PCSK2: variants seen among roughly 807,000 people sequenced by gnomAD.
The protein encoded by PCSK2 is proprotein convertase subtilisin/kexin type 2.
Under a neutral mutation model 69.7 loss-of-function variants are expected in PCSK2, and 14 were observed. That is an observed-to-expected ratio of 0.20 (90% CI 0.13 to 0.31). The LOEUF is 0.31. Ranked by LOEUF, PCSK2 falls within the 10% of genes least tolerant of loss-of-function variation. The pLI is 1.00. For synonymous variants in PCSK2, 307 were observed against 320.7 expected, an observed-to-expected ratio of 0.96 and a Z score of 0.46; for missense variants, 544 against 842.5, an observed-to-expected ratio of 0.65 and a Z score of 4.39.
At chr20:17,270,494 G>T (rs945399549) in intron 2 of PCSK2, among the ~76,000 whole-genome samples, 2 of 152,084 alleles carry the variant, frequency 1.3e-5, no homozygotes, top group African/African-American at 4.8e-5. Context: ...CCAATTGCTG[G>T]AGTTTATCTA....
rs116450040 is a variant in PCSK2 at position 17,445,083 on chromosome 20, G to A, written c.885+8200G>A. 2.2e-3 allele frequency among the ~76,000 whole-genome samples: 328 copies of A among 152,296 alleles called. 2 individuals carry two copies. Among genetic ancestry groups the A allele is most frequent in the African/African-American group, 7.2e-3 (299 of 41,570 alleles). On this transcript the variant is annotated intron_variant, in intron 8 of 11. Transcript: ENST00000262545. ...TAAGCAAAACCTAACCTGAGACTTC[G>A]AGTCATCACTCTCTGGATAAATAAA...
chr20:17,411,978 C>A (rs886266785), intron 6 of PCSK2, among the ~76,000 whole-genome samples: 2 of 152,302 alleles, frequency 1.3e-5, no homozygotes, highest in Middle Eastern at 6.8e-3. Flanking sequence ...AAAGGAATAG[C>A]ATCAACATCA....
chr20:17,333,669 C>T (rs530345629), intron 2 of PCSK2, among the ~76,000 whole-genome samples: 2 of 152,060 alleles, frequency 1.3e-5, no homozygotes, highest in South Asian at 4.2e-4. Context: ...AGAGAGCAGT[C>T]TCTGGGGCCA....
chr20:17,363,384 T>G (rs2030471209), intron 4 of PCSK2, among the ~76,000 whole-genome samples: 1 of 152,228 alleles, frequency 6.6e-6, no homozygotes, highest in African/African-American at 2.4e-5. Flanking sequence ...CCTCCATGGT[T>G]AGCTGCTGTC....
At chr20:17,266,447 G>C (rs533736291) in intron 2 of PCSK2, among the ~76,000 whole-genome samples, 53 of 152,336 alleles carry the variant, frequency 3.5e-4, no homozygotes, top group African/African-American at 1.3e-3. Context: ...GTGATGTATT[G>C]AGACACAATA....
At chr20:17,399,613 G>A (rs1239410536) in intron 5 of PCSK2, among the ~76,000 whole-genome samples, 1 of 152,176 alleles carries the variant, frequency 6.6e-6, no homozygotes, top group Non-Finnish European at 1.5e-5. Flanking sequence ...GCACTTAGCA[G>A]AGACTTTGTC....
chr20:17,378,644 A>T (rs113316708), intron 5 of PCSK2, among the ~76,000 whole-genome samples: 1 of 80,400 alleles, frequency 1.2e-5, no homozygotes, highest in African/African-American at 5.8e-5. Context: ...TGGATGGATG[A>T]ATGGATGGAT....
intron 5 of PCSK2, among the ~76,000 whole-genome samples, chr20:17,383,141 A>T (rs564345559): frequency 6.6e-6 from 1 of 152,310 alleles, no homozygotes; most frequent in African/African-American, 2.4e-5. Context: ...GGTATCTGTG[A>T]GATGACTGAC....
intron 2 of PCSK2, chr20:17,263,003 A>T (rs1220913188): frequency 1.0e-5 from 2 of 200,612 alleles, no homozygotes; most frequent in East Asian, 3.7e-4. Flanking sequence ...CACTGTCTAC[A>T]GGCTTGTGGT....
chr20:17,452,273 C>T (rs1230619109), intron 8 of PCSK2, among the ~76,000 whole-genome samples: 3 of 152,104 alleles, frequency 2.0e-5, no homozygotes, highest in Non-Finnish European at 1.5e-5. Context: ...ATTTCCCTCG[C>T]TGTCCTGGTT....
intron 2 of PCSK2, among the ~76,000 whole-genome samples, chr20:17,274,473 C>T (rs1478223441): frequency 6.6e-6 from 1 of 152,104 alleles, no homozygotes; most frequent in Non-Finnish European, 1.5e-5. Context: ...ATAGCCAGCC[C>T]CTACCTGACC....
intron 1 of PCSK2, among the ~76,000 whole-genome samples, chr20:17,245,439 A>C (rs943143285): frequency 6.6e-6 from 1 of 152,172 alleles, no homozygotes; most frequent in South Asian, 2.1e-4. Context: ...TGAAGATACT[A>C]GCATGTAATT....
intron 8 of PCSK2, among the ~76,000 whole-genome samples, chr20:17,445,235 G>A (rs1159328138): frequency 1.3e-5 from 2 of 152,136 alleles, no homozygotes; most frequent in African/African-American, 4.8e-5. Flanking sequence ...AGGGGAATTC[G>A]GGTGACGCTA....
chr20:17,354,291 A>G (rs565409382), intron 2 of PCSK2, among the ~76,000 whole-genome samples: 1 of 152,374 alleles, frequency 6.6e-6, no homozygotes, highest in South Asian at 2.1e-4. Flanking sequence ...TTCTAAAACT[A>G]AATACAGAAG....
At position 17,363,441 on chromosome 20, in the gene PCSK2, C is replaced by G. The variant is rs73255645; in HGVS notation, c.505+2801C>G. On this transcript the variant is annotated intron_variant, in intron 4 of 11. Coordinates refer to ENST00000262545, the MANE Select transcript of PCSK2 (RefSeq NM_002594.5). ...TTAAGGGTCTACTAGGACATTTCAC[C>G]TATGTAGATATTAGCAAGGACCCCA... Among the ~76,000 whole-genome samples, 453 of 152,306 alleles carry G rather than the reference C, an allele frequency of 3.0e-3. 3 individuals carry two copies. The highest frequency in any genetic ancestry group is 0.01 in the African/African-American group (429 of 41,564).
At chr20:17,474,052 G>A (rs899842035) in intron 11 of PCSK2, among the ~76,000 whole-genome samples, 6 of 152,098 alleles carry the variant, frequency 3.9e-5, no homozygotes, top group Non-Finnish European at 7.4e-5. Flanking sequence ...AATACAGATT[G>A]GACCAAACCT....
intron 2 of PCSK2, among the ~76,000 whole-genome samples, chr20:17,308,564 G>C (rs1292699612): frequency 6.6e-6 from 1 of 152,162 alleles, no homozygotes; most frequent in Non-Finnish European, 1.5e-5. Flanking sequence ...AGGGAGTTCT[G>C]TACATGTATC....
chr20:17,445,210 GCT>G (rs1350201180), intron 8 of PCSK2, among the ~76,000 whole-genome samples: 3 of 152,166 alleles, frequency 2.0e-5, no homozygotes, highest in Admixed American at 6.5e-5. Context: ...ATCTTATTTT[GCT>G]CTGACAACCA....
chr20:17,254,708 T>G (rs1049184928), intron 1 of PCSK2, among the ~76,000 whole-genome samples: 4 of 152,216 alleles, frequency 2.6e-5, no homozygotes, highest in African/African-American at 9.6e-5. Flanking sequence ...ACATTTGAAC[T>G]TTAGGATAAG....
Sources: gnomAD v4.1 joint callset for allele counts (sites outside exome capture counted in the v4.1 genomes callset) on GRCh38, gnomAD v4.1.1 for gene constraint, MANE v1.5 for transcripts, NCBI Gene and HGNC (gene_info 2026-07-23, HGNC 2026-07-21) for gene names.